PTPRE: variants seen among roughly 807,000 people sequenced by gnomAD.
PTPRE encodes protein tyrosine phosphatase receptor type E.
Under a neutral mutation model 102.0 loss-of-function variants are expected in PTPRE, and 51 were observed. The observed-to-expected ratio is 0.50, with a 90% CI of 0.40 to 0.63. The LOEUF (loss-of-function observed/expected upper bound fraction) is 0.63. Ranked by LOEUF, PTPRE falls within the 30% of genes least tolerant of loss-of-function variation. PTPRE has a pLI of 0.00. For missense variants in PTPRE, 752 were observed against 915.1 expected (o/e 0.82, Z 2.30); for synonymous variants, 345 against 348.2 (o/e 0.99, Z 0.10).
At chr10:127,924,088 A>G (rs191091071) in intron 1 of PTPRE, among the ~76,000 whole-genome samples, 67 of 152,364 alleles carry the variant, frequency 4.4e-4, no homozygotes, top group African/African-American at 1.5e-3. Context: ...TGAGTGAACA[A>G]GTGAAAGGAA....
At chr10:128,046,259 G>A (rs1286850407) in intron 3 of PTPRE, among the ~76,000 whole-genome samples, 1 of 152,204 alleles carries the variant, frequency 6.6e-6, no homozygotes, top group African/African-American at 2.4e-5. Context: ...GATGAGGGGT[G>A]TGAGGTGAGC....
intron 6 of PTPRE, among the ~76,000 whole-genome samples, chr10:128,055,220 G>C (rs1240090631): frequency 6.6e-6 from 1 of 152,194 alleles, no homozygotes; most frequent in Non-Finnish European, 1.5e-5. Context: ...AGGGCTTCAA[G>C]AGGCTCTTCA....
intron 10 of PTPRE, 74 bp from the exon 11 acceptor site, chr10:128,066,001 G>A: frequency 6.2e-7 from 1 of 1,606,832 alleles, no homozygotes; most frequent in Non-Finnish European, 8.5e-7. Flanking sequence ...GAGGCCTTCT[G>A]TAGTTGGGTG....
chr10:128,056,764 G>T (rs576602651), intron 7 of PTPRE, among the ~76,000 whole-genome samples: 1 of 152,090 alleles, frequency 6.6e-6, no homozygotes, highest in Admixed American at 6.5e-5. Flanking sequence ...GCTGGGGAGC[G>T]TGGGTGCCAG....
At chr10:128,019,601 C>T (rs921147402) in intron 2 of PTPRE, among the ~76,000 whole-genome samples, 3 of 151,122 alleles carry the variant, frequency 2.0e-5, no homozygotes, top group Non-Finnish European at 3.0e-5. Flanking sequence ...TTTGCCATTC[C>T]GGGGCTCTCT....
chr10:128,022,153 T>C (rs1278899614), intron 2 of PTPRE, among the ~76,000 whole-genome samples: 2 of 152,158 alleles, frequency 1.3e-5, no homozygotes, highest in Non-Finnish European at 2.9e-5. Context: ...GATCATCACA[T>C]TGAAAGTGTC....
rs189485113 is a variant in PTPRE at position 128,013,462 on chromosome 10, C to T, written c.-7-27413C>T. 1.8e-3 allele frequency among the ~76,000 whole-genome samples: 274 copies of T among 152,300 alleles called. 1 individual carries two copies. Among genetic ancestry groups the T allele is most frequent in the Middle Eastern group, 6.8e-3 (2 of 294 alleles). ...TAGAAAGGAGTTTGATGGACAGCAG[C>T]TTTAAGGGGCAGCACCTGCTGAGAA... On this transcript the variant is annotated intron_variant, in intron 2 of 20. Coordinates refer to ENST00000254667, the MANE Select transcript of PTPRE (RefSeq NM_006504.6).
At chr10:127,987,592 A>G (rs1014689661) in intron 2 of PTPRE, among the ~76,000 whole-genome samples, 4 of 151,878 alleles carry the variant, frequency 2.6e-5, no homozygotes, top group African/African-American at 9.7e-5. Context: ...GCTTCAGGAA[A>G]CCATTTCCAG....
chr10:127,980,338 CTTTT>C (rs11336623), intron 1 of PTPRE, among the ~76,000 whole-genome samples: 36 of 144,014 alleles, frequency 2.5e-4, no homozygotes, highest in East Asian at 8.1e-4. Context: ...TATACAAATC[CTTTT>C]TTTTTTTTTT....
chr10:127,970,481 G>T (rs1369440319), intron 1 of PTPRE, among the ~76,000 whole-genome samples: 1 of 151,874 alleles, frequency 6.6e-6, no homozygotes, highest in Non-Finnish European at 1.5e-5. Flanking sequence ...CTCATTACCT[G>T]TCCCCAGGTA....
In PTPRE at chr10:128,066,144, G is replaced by A. The variant is rs773587122; in HGVS notation, c.793G>A (p.Asp265Asn). 23 of 1,614,100 alleles carry A rather than the reference G, an allele frequency of 1.4e-5. No individual in the cohort carries two copies. The highest frequency in any genetic ancestry group is 1.9e-5 in the Non-Finnish European group (23 of 1,180,042). ...TGGAAACATCCGGGTGTGCGTGGAGGACTGCGTGGTTTTGGTCGACTACAC... is the reference window on the plus strand; with the variant it reads ...TGGAAACATCCGGGTGTGCGTGGAGAACTGCGTGGTTTTGGTCGACTACAC... ...TYGNIRVCVE[D>N]CVVLVDYTIR... Residue 265 changes from aspartate (D) to asparagine (N), a missense_variant, in exon 11 of 21, where the codon GAC becomes AAC. Asp to Asn is a conservative substitution (Grantham distance 23, BLOSUM62 1). Around this residue, in one of 2 missense-constraint regions of PTPRE, gnomAD observed 636 missense variants for 824.4 expected, o/e 0.77. Transcript: ENST00000254667.
At chr10:128,023,625 TGGCTTCAGG>T (rs1390975103) in intron 2 of PTPRE, among the ~76,000 whole-genome samples, 8 of 152,232 alleles carry the variant, frequency 5.3e-5, no homozygotes, top group Admixed American at 2.0e-4. Context: ...AGTATATCTG[TGGCTTCAGG>T]GGCTCTTGGA....
At chr10:128,043,625 C>T (rs1440968935) in intron 3 of PTPRE, among the ~76,000 whole-genome samples, 7 of 152,282 alleles carry the variant, frequency 4.6e-5, no homozygotes, top group African/African-American at 1.7e-4. Context: ...ATGTAACAGG[C>T]GTACAGGCTA....
chr10:128,050,306 T>C (rs576936452), intron 6 of PTPRE, among the ~76,000 whole-genome samples: 3 of 144,860 alleles, frequency 2.1e-5, no homozygotes, highest in Non-Finnish European at 4.5e-5. Context: ...AATGAATGCA[T>C]GGATGGATGG....
intron 2 of PTPRE, among the ~76,000 whole-genome samples, chr10:128,033,278 G>T (rs535238303): frequency 6.6e-6 from 1 of 152,320 alleles, no homozygotes; most frequent in East Asian, 1.9e-4. Context: ...CTTACAGAAG[G>T]TGAAGTGATA....
chr10:127,988,149 T>C (rs1185831993), intron 2 of PTPRE, among the ~76,000 whole-genome samples: 1 of 152,180 alleles, frequency 6.6e-6, no homozygotes, highest in Non-Finnish European at 1.5e-5. Context: ...TCGTGCCAAA[T>C]GCAAGGGCCG....
chr10:127,939,606 G>A (rs1403066647), intron 1 of PTPRE, among the ~76,000 whole-genome samples: 5 of 152,170 alleles, frequency 3.3e-5, no homozygotes, highest in African/African-American at 9.7e-5. Context: ...GAAATTGAAA[G>A]AGCAACCCAA....
chr10:127,942,890 A>G lies in PTPRE; in HGVS notation c.-31+35581A>G, dbSNP rs76937238. 9.2e-3 allele frequency among the ~76,000 whole-genome samples: 1,398 copies of G among 152,334 alleles called. 8 individuals carry two copies. Among genetic ancestry groups the G allele is most frequent in the East Asian group, 0.024 (125 of 5,190 alleles). On this transcript the variant is annotated intron_variant, in intron 1 of 20. Coordinates refer to ENST00000254667, the MANE Select transcript of PTPRE (RefSeq NM_006504.6). ...TTCAATTTCATTTTACACGTACATT[A>G]CCACAATTTAAAAAACTCATACAAG...
Position 128,070,709 on chromosome 10 carries a change from T to C in PTPRE, c.1294-99T>C, listed in dbSNP as rs559435574. On this transcript the variant is annotated intron_variant, in intron 14 of 20. Transcript: ENST00000254667. This position sits in a 1 kb window ranked among gnomAD's most constrained non-coding sequence, Gnocchi z 4.8. ...TCCTGGGTTGGAGAGTGGTTTCCTT[T>C]GAGCAGGCGTCCTTGCCAGCAGCAC... is the stretch of plus-strand genomic sequence containing the variant. The C allele has an allele frequency of 6.4e-5, 87 of 1,350,340 alleles. No individual in the cohort carries two copies. In the African/African-American group the frequency reaches 1.2e-3, roughly 19 times the overall value. 83.6% of individuals were successfully genotyped at this position (1,350,340 alleles called of 1,614,324 possible). A position where few individuals can be genotyped will look rare whatever the true frequency, so the allele number is the denominator to read the frequency against.
Sources: gnomAD v4.1 joint callset for allele counts (sites outside exome capture counted in the v4.1 genomes callset) on GRCh38, gnomAD v4.1.1 for gene constraint, gnomAD v4.1.1 regional missense constraint, Gnocchi (gnomAD v3.1) non-coding constraint, MANE v1.5 for transcripts, NCBI Gene and HGNC (gene_info 2026-07-23, HGNC 2026-07-21) for gene names.